The following SLC25A34 variants were observed in gnomAD, a reference collection of about 807,000 sequenced individuals.
SLC25A34 encodes solute carrier family 25 member 34.
In SLC25A34, 26 loss-of-function variants were observed where a neutral mutation model predicts 28.1. The observed-to-expected ratio is 0.93, with a 90% CI of 0.68 to 1.28. The LOEUF is 1.28. SLC25A34 is among the 50% of genes most tolerant of loss of function. SLC25A34 has a pLI of 0.00. For missense variants in SLC25A34, 384 were observed against 409.8 expected (o/e 0.94, Z 0.54); for synonymous variants, 182 against 182.2 (o/e 1.00, Z 0.01).
At chr1:15,737,376 A>T (rs1430143941) in intron 1 of SLC25A34, among the ~76,000 whole-genome samples, 2 of 152,138 alleles carry the variant, frequency 1.3e-5, no homozygotes, top group Non-Finnish European at 1.5e-5. Context: ...TGAGACCAGC[A>T]TGGTCAACAT....
chr1:15,737,581 AAGG>A lies in SLC25A34; in HGVS notation c.379-346_379-344del, dbSNP rs1283161369. On this transcript the variant is annotated intron_variant, in intron 1 of 4. Coordinates refer to ENST00000294454, the MANE Select transcript of SLC25A34 (RefSeq NM_207348.3). ...CAAGACTCTGCCTCAAAAAAAAAAA[AAGG>A]AAAGAAAGAAAAAAAAAGCTCCCCT... 7.2e-3 allele frequency among the ~76,000 whole-genome samples: 1,085 copies of A among 151,656 alleles called. 12 individuals carry two copies. Among genetic ancestry groups the A allele is most frequent in the African/African-American group, 0.025 (1,035 of 41,324 alleles).
At chr1:15,739,026 G>A in intron 4 of SLC25A34, 198 bp from the exon 5 acceptor site, 1 of 681,144 alleles carries the variant, frequency 1.5e-6, no homozygotes, top group Non-Finnish European at 2.4e-6. Flanking sequence ...TCCCCCAGCT[G>A]GTAAGGGGAG....
chr1:15,738,381 C>T, intron 3 of SLC25A34, 136 bp downstream of exon 3: 2 of 1,342,988 alleles, frequency 1.5e-6, no homozygotes, highest in Non-Finnish European at 2.0e-6. Context: ...AGTCGTGACT[C>T]CGGCCCTTGG....
intron 1 of SLC25A34, among the ~76,000 whole-genome samples, chr1:15,737,161 C>T (rs1034769460): frequency 1.3e-5 from 2 of 152,240 alleles, no homozygotes; most frequent in Non-Finnish European, 2.9e-5. Context: ...TCCCGCATGG[C>T]CTCATGTACG....
chr1:15,736,544 C>T lies in SLC25A34; in HGVS notation c.59C>T (p.Ala20Val). 2.1e-6 allele frequency: 3 copies of T among 1,454,678 alleles called. No individual in the cohort carries two copies. The highest frequency in any genetic ancestry group is 2.7e-6 in the Non-Finnish European group (3 of 1,103,124). 90.1% of individuals were successfully genotyped at this position (1,454,678 alleles called of 1,614,324 possible). A position where few individuals can be genotyped will look rare whatever the true frequency, so the allele number is the denominator to read the frequency against. Residue 20 changes from alanine to valine, a missense_variant, in exon 1 of 5, where the codon GCC becomes GTC. Coordinates refer to ENST00000294454, the MANE Select transcript of SLC25A34 (RefSeq NM_207348.3). ...LVLGASACCL[A>V]CVFTNPLEVV... ...CTGGGTGCTTCTGCCTGCTGCCTGG[C>T]CTGTGTCTTCACCAACCCCCTGGAG... is the stretch of plus-strand genomic sequence containing the variant.
At position 15,739,336 on chromosome 1, in the gene SLC25A34, C is replaced by T; in HGVS notation, c.845C>T (p.Thr282Ile). ...GCCTACCTGCGCCTGGGCCCCCACA[C>T]CATCCTCAGCATGCTCTTCTGGGAC... The part of the protein sequence containing the change: ...GPAYLRLGPH[T>I]ILSMLFWDEL... The change falls in exon 5 of 5, where the codon ACC (threonine) becomes ATC (isoleucine). Residue 282 changes from threonine to isoleucine, a missense_variant. Thr to Ile is a moderately conservative substitution (Grantham distance 89, BLOSUM62 -1). Coordinates refer to ENST00000294454, the MANE Select transcript of SLC25A34 (RefSeq NM_207348.3). 1 of 1,610,018 alleles carries T rather than the reference C, an allele frequency of 6.2e-7. No individual in the cohort carries two copies. Among genetic ancestry groups the T allele is most frequent in the Non-Finnish European group, 8.5e-7 (1 of 1,178,482 alleles).
Position 15,736,409 on chromosome 1 carries a change from G to T in SLC25A34, c.-77G>T. The T allele has an allele frequency of 7.4e-7, 1 of 1,352,296 alleles. No homozygotes were observed. The highest frequency in any genetic ancestry group is 1.9e-5 in the South Asian group (1 of 51,284). 83.8% of individuals were successfully genotyped at this position (1,352,296 alleles called of 1,614,324 possible). A position where few individuals can be genotyped will look rare whatever the true frequency, so the allele number is the denominator to read the frequency against. On this transcript the variant is annotated 5_prime_UTR_variant, in exon 1 of 5. Transcript: ENST00000294454. The stretch of plus-strand genomic sequence containing the variant: ...AGCCCCGTAGCCCTGCGAGGTTACA[G>T]ACAGCCTAAACGCCACCACCACAGG...
rs368572626 is a variant in SLC25A34 at position 15,736,745 on chromosome 1, G to C, written c.260G>C (p.Arg87Pro). The C allele has an allele frequency of 3.1e-6, 5 of 1,608,740 alleles. No homozygotes were observed. The highest frequency in any genetic ancestry group is 4.2e-6 in the Non-Finnish European group (5 of 1,179,684). The stretch of plus-strand genomic sequence containing the variant: ...TACCAAGGCCTCATGAATGGCGTTC[G>C]TTTCTACTGCTACAGCCTGGCGTGC... ...LLYQGLMNGV[R>P]FYCYSLACQA... Residue 87 changes from arginine (R) to proline (P), a missense_variant, in exon 1 of 5, where the codon CGT becomes CCT. Arg to Pro is a moderately radical substitution (Grantham distance 103, BLOSUM62 -2). Coordinates refer to ENST00000294454, the MANE Select transcript of SLC25A34 (RefSeq NM_207348.3).
rs2068244957 is a variant in SLC25A34 at position 15,738,205 on chromosome 1, C to T, written c.557C>T (p.Ala186Val). ...ATGGTGGGCTCAGCTGCCCAGCTGG[C>T]CACCTTCGCCTCTGCCAAGGCCTGG... ...RVMVGSAAQL[A>V]TFASAKAWVQ... Residue 186 changes from alanine (A) to valine (V), a missense_variant, in exon 3 of 5, where the codon GCC (alanine) becomes GTC (valine). Physicochemically the swap from Ala to Val is moderately conservative, Grantham distance 64. Coordinates refer to ENST00000294454, the MANE Select transcript of SLC25A34 (RefSeq NM_207348.3). 1 of 1,603,116 alleles carries T rather than the reference C, an allele frequency of 6.2e-7. No homozygotes were observed. Among genetic ancestry groups the T allele is most frequent in the Non-Finnish European group, 8.5e-7 (1 of 1,174,894 alleles).
Position 15,738,115 on chromosome 1 carries a change from C to A in SLC25A34, c.467C>A (p.Thr156Asn). ...CAGACTGTCCTGGGTGCCTTGGAGA[C>A]CATCTGGCGGCAGCAAGGGCTCTTG... ...NHQTVLGALE[T>N]IWRQQGLLGL... Residue 156 changes from threonine to asparagine, a missense_variant, in exon 3 of 5, where the codon ACC becomes AAC. By Grantham distance (65) the Thr-to-Asn change is moderately conservative. Transcript: ENST00000294454. 6.2e-7 allele frequency: 1 copy of A among 1,605,372 alleles called. No homozygotes were observed. Among genetic ancestry groups the A allele is most frequent in the South Asian group, 1.1e-5 (1 of 90,184 alleles).
At position 15,738,188 on chromosome 1, in the gene SLC25A34, C is replaced by T. The variant is rs1015897302; in HGVS notation, c.540C>T (p.Gly180=). 6.2e-7 allele frequency: 1 copy of T among 1,605,980 alleles called. No homozygotes were observed. Among genetic ancestry groups the T allele is most frequent in the Admixed American group, 1.7e-5 (1 of 59,004 alleles). ...GGGCTGTGCCCCGAGTCATGGTGGG[C>T]TCAGCTGCCCAGCTGGCCACCTTCG... ...VGGAVPRVMV[G]SAAQLATFAS... Residue 180 remains glycine (G), a synonymous_variant, in exon 3 of 5, where the codon GGC becomes GGT. Transcript: ENST00000294454.
Position 15,738,612 on chromosome 1 carries a change from T to C in SLC25A34, c.616T>C (p.Trp206Arg). The change falls in exon 4 of 5, where the codon TGG (tryptophan) becomes CGG (arginine). Residue 206 changes from tryptophan to arginine, a missense_variant. Coordinates refer to ENST00000294454, the MANE Select transcript of SLC25A34 (RefSeq NM_207348.3). ...CCCACAGTGGCTCCCTGAGGACAGC[T>C]GGCTGGTGGCCCTGGCTGGGGGCAT... ...QKQQWLPEDS[W>R]LVALAGGMIS... 6.2e-7 allele frequency: 1 copy of C among 1,607,496 alleles called. No individual in the cohort carries two copies. The highest frequency in any genetic ancestry group is 8.5e-7 in the Non-Finnish European group (1 of 1,178,372).
intron 1 of SLC25A34, among the ~76,000 whole-genome samples, chr1:15,737,207 C>T (rs952421088): frequency 1.3e-5 from 2 of 152,180 alleles, no homozygotes; most frequent in African/African-American, 4.8e-5. Flanking sequence ...GCCTCCGCCT[C>T]GTGTGCACTC....
chr1:15,736,986 C>T (rs557780874), intron 1 of SLC25A34, 123 bp downstream of exon 1: 14 of 1,309,786 alleles, frequency 1.1e-5, no homozygotes, highest in Middle Eastern at 2.7e-4. Context: ...CGGGGTGGGG[C>T]TGCTCCCTGG....
chr1:15,739,496 G>A lies in SLC25A34; in HGVS notation c.*90G>A, dbSNP rs1205571627. The A allele has an allele frequency of 2.1e-6, 3 of 1,437,634 alleles. No individual in the cohort carries two copies. Among genetic ancestry groups the A allele is most frequent in the African/African-American group, 1.4e-5 (1 of 68,984 alleles). The allele number at this position is 1,437,634 out of a possible 1,614,324, so 89.1% of individuals were successfully genotyped here. On this transcript the variant is annotated 3_prime_UTR_variant, in exon 5 of 5. Transcript: ENST00000294454. ...AGGACAACTGGCTGTCCCGGGGCGG[G>A]CCATGGGCCCAGGCCCTGCCAGAGG...
Position 15,736,605 on chromosome 1 carries a change from G to A in SLC25A34, c.120G>A (p.Leu40=), listed in dbSNP as rs774734145. ...VKTRLQLQGE[L]QARGTYPRPY... Reference sequence around the variant, plus strand: ...CGCGGCTGCAGCTGCAGGGGGAGCTGCAGGCCCGGGGCACCTACCCACGGC... The same window carrying A: ...CGCGGCTGCAGCTGCAGGGGGAGCTACAGGCCCGGGGCACCTACCCACGGC... Residue 40 remains leucine, a synonymous_variant, in exon 1 of 5, where the codon CTG becomes CTA. Coordinates refer to ENST00000294454, the MANE Select transcript of SLC25A34 (RefSeq NM_207348.3). 7.1e-6 allele frequency: 11 copies of A among 1,551,310 alleles called. No homozygotes were observed. The highest frequency in any genetic ancestry group is 2.4e-5 in the East Asian group (1 of 41,680).
rs2068257722 is a variant in SLC25A34 at position 15,739,292 on chromosome 1, C to T, written c.801C>T (p.Leu267=). ...GGCGGCAGGAGGGCCCCCTGGCACT[C>T]TACAAGGGCCTGGGCCCCGCCTACC... ...KIWRQEGPLA[L]YKGLGPAYLR... Residue 267 remains leucine, a synonymous_variant, in exon 5 of 5, where the codon CTC becomes CTT. Transcript: ENST00000294454. The T allele has an allele frequency of 6.2e-7, 1 of 1,611,988 alleles. No individual in the cohort carries two copies. Among genetic ancestry groups the T allele is most frequent in the Non-Finnish European group, 8.5e-7 (1 of 1,179,422 alleles).
At position 15,736,642 on chromosome 1, in the gene SLC25A34, T is replaced by C. The variant is rs375614752; in HGVS notation, c.157T>C (p.Phe53Leu). ...RGTYPRPYHG[F>L]IASVAAVARA... is the part of the protein sequence containing the mutation. Reference sequence around the variant, plus strand: ...CACCTACCCACGGCCCTACCATGGCTTCATAGCCTCTGTCGCTGCTGTGGC... The same window carrying C: ...CACCTACCCACGGCCCTACCATGGCCTCATAGCCTCTGTCGCTGCTGTGGC... Residue 53 changes from phenylalanine to leucine, a missense_variant, in exon 1 of 5, where the codon TTC becomes CTC. Phe to Leu is a conservative substitution (Grantham distance 22, BLOSUM62 0). Transcript: ENST00000294454. The C allele has an allele frequency of 3.0e-5, 47 of 1,591,514 alleles. No homozygotes were observed. The highest frequency in any genetic ancestry group is 5.1e-6 in the Non-Finnish European group (6 of 1,170,210).
At position 15,736,434 on chromosome 1, in the gene SLC25A34, G is replaced by T. The variant is rs906436460; in HGVS notation, c.-52G>T. 76 of 1,401,192 alleles carry T rather than the reference G, an allele frequency of 5.4e-5. No individual in the cohort carries two copies. The highest frequency in any genetic ancestry group is 6.8e-5 in the Non-Finnish European group (74 of 1,081,638). The allele number at this position is 1,401,192 out of a possible 1,614,324, so 86.8% of individuals were successfully genotyped here. A position where few individuals can be genotyped will look rare whatever the true frequency, so the allele number is the denominator to read the frequency against. ...GACAGCCTAAACGCCACCACCACAG[G>T]GCCTGTGCCGTGCCCCTGACCCGGG... is the stretch of plus-strand genomic sequence containing the variant. On this transcript the variant is annotated 5_prime_UTR_variant, in exon 1 of 5. Coordinates refer to ENST00000294454, the MANE Select transcript of SLC25A34 (RefSeq NM_207348.3).
Sources: gnomAD v4.1 joint callset for allele counts (sites outside exome capture counted in the v4.1 genomes callset) on GRCh38, gnomAD v4.1.1 for gene constraint, MANE v1.5 for transcripts, NCBI Gene and HGNC (gene_info 2026-07-23, HGNC 2026-07-21) for gene names.